The following SON variants were observed in gnomAD, a reference collection of about 807,000 sequenced individuals.
SON encodes the protein SON DNA and RNA binding protein.
In SON, 4 loss-of-function variants were observed where a neutral mutation model predicts 173.3. The observed-to-expected ratio is 0.02, with a 90% CI of 0.01 to 0.05. SON has a LOEUF of 0.05. Among genes scored for constraint, SON ranks in the 10% least tolerant of loss-of-function variants. The pLI is 1.00. For synonymous variants in SON, 1,190 were observed against 1,105.9 expected (o/e 1.08, Z -1.51); for missense variants, 2,626 against 3,055.3 (o/e 0.86, Z 3.31).
At position 33,552,929 on chromosome 21, in the gene SON, C is replaced by T. The variant is rs1483350387; in HGVS notation, c.3698C>T (p.Ser1233Leu). Residue 1233 changes from serine to leucine, a missense_variant, in exon 3 of 12, where the codon TCA becomes TTA. Ser to Leu is a moderately radical substitution (Grantham distance 145). This residue lies in a region of SON where 1,006 missense variants were observed against 895.6 expected (regional missense o/e 1.12). Transcript: ENST00000356577. This position sits in a 1 kb window ranked among gnomAD's most constrained non-coding sequence, Gnocchi z 5.6. ...PSAVPTDYSVSASDPSVLVSE... is the reference protein window; with the variant it reads ...PSAVPTDYSVLASDPSVLVSE... Reference sequence around the variant, plus strand: ...GCAGTGCCTACTGATTATTCAGTGTCAGCATCAGATCCCTCAGTTTTAGTA... The same window carrying T: ...GCAGTGCCTACTGATTATTCAGTGTTAGCATCAGATCCCTCAGTTTTAGTA... 6.2e-7 allele frequency: 1 copy of T among 1,614,184 alleles called. No homozygotes were observed. The highest frequency in any genetic ancestry group is 1.7e-5 in the Admixed American group (1 of 60,026).
intron 9 of SON, 73 bp downstream of exon 9, chr21:33,573,528 A>T: frequency 1.5e-6 from 2 of 1,356,414 alleles, no homozygotes; most frequent in Non-Finnish European, 2.0e-6. Flanking sequence ...TTTTGAACCC[A>T]GTGATACTGA....
chr21:33,547,709 T>TTG, intron 2 of SON, among the ~76,000 whole-genome samples: 1 of 123,462 alleles, frequency 8.1e-6, no homozygotes, highest in Non-Finnish European at 1.7e-5. Flanking sequence ...TGTAGTCTTT[T>TTG]TTTTTTTTTT....
chr21:33,550,736 A>C lies in SON; in HGVS notation c.1505A>C (p.Glu502Ala). The C allele has an allele frequency of 6.2e-7, 1 of 1,614,060 alleles. No homozygotes were observed. The highest frequency in any genetic ancestry group is 8.5e-7 in the Non-Finnish European group (1 of 1,180,004). Reference protein sequence around the residue: ...PEQPAVTVAMELTEQPVTTTE... With the variant: ...PEQPAVTVAMALTEQPVTTTE... ...CAGCCTGCGGTAACAGTAGCAATGG[A>C]GTTGACCGAACAACCTGTGACGACG... Residue 502 changes from glutamate to alanine, a missense_variant, in exon 3 of 12, where the codon GAG becomes GCG. Physicochemically the swap from Glu to Ala is moderately radical, Grantham distance 107. Around this residue, in one of 13 missense-constraint regions of SON, gnomAD observed 757 missense variants for 730.1 expected, o/e 1.04. Transcript: ENST00000356577.
Position 33,575,505 on chromosome 21 carries a change from G to T in SON, c.7034-91G>T, listed in dbSNP as rs542043739. 9.8e-6 allele frequency: 7 copies of T among 716,864 alleles called. No homozygotes were observed. In the East Asian group the frequency reaches 1.9e-4, roughly 19 times the overall value. The allele number at this position is 716,864 out of a possible 1,614,324, so 44.4% of individuals were successfully genotyped here. A position where few individuals can be genotyped will look rare whatever the true frequency, so the allele number is the denominator to read the frequency against. ...AGGAATCTGCTGATTTTATTTGAAG[G>T]CATACATTTTGAGGTTCAGACTCCT... is the stretch of plus-strand genomic sequence containing the variant. On this transcript the variant is annotated intron_variant, in intron 9 of 11. Coordinates refer to ENST00000356577, the MANE Select transcript of SON (RefSeq NM_138927.4).
chr21:33,544,552 C>A (rs547956304), intron 1 of SON, among the ~76,000 whole-genome samples: 1 of 152,158 alleles, frequency 6.6e-6, no homozygotes, highest in African/African-American at 2.4e-5. Context: ...ATTTCCCCCC[C>A]CATGTATTGT....
chr21:33,547,612 T>C lies in SON; in HGVS notation c.244+1233T>C, dbSNP rs113796443. Among the ~76,000 whole-genome samples, 645 of 149,936 alleles carry C rather than the reference T, an allele frequency of 4.3e-3. 1 individual carries two copies. The highest frequency in any genetic ancestry group is 7.0e-3 in the Non-Finnish European group (472 of 67,024). ...ACAACCTTCATTGAAGTATGACTTA[T>C]CTAACATTTTGTATTATGAAACAAA... On this transcript the variant is annotated intron_variant, in intron 2 of 11. Coordinates refer to ENST00000356577, the MANE Select transcript of SON (RefSeq NM_138927.4).
chr21:33,553,422 G>T lies in SON; in HGVS notation c.4191G>T (p.Val1397=). ...TGACTGTCCCGGAGCCTCCTGTTGT[G>T]GCTGAGCCAGACTATGTTACCATTC... ...SVVTVPEPPV[V]AEPDYVTIPV... The change falls in exon 3 of 12, where the codon GTG becomes GTT. Residue 1397 remains valine (V), a synonymous_variant. Coordinates refer to ENST00000356577, the MANE Select transcript of SON (RefSeq NM_138927.4). The T allele has an allele frequency of 6.2e-7, 1 of 1,614,206 alleles. No homozygotes were observed. The highest frequency in any genetic ancestry group is 8.5e-7 in the Non-Finnish European group (1 of 1,180,036).
rs532238014 is a variant in SON at position 33,545,479 on chromosome 21, A to G, written c.78-734A>G. Among the ~76,000 whole-genome samples, 20 of 152,340 alleles carry G rather than the reference A, an allele frequency of 1.3e-4. No individual in the cohort carries two copies. In the South Asian group the frequency reaches 3.9e-3, roughly 30 times the overall value. ...GTATTTGATTTTTCAAAATTTTGCA[A>G]ATTCACACAAAAATAGTAAAAATTA... On this transcript the variant is annotated intron_variant, in intron 1 of 11. Transcript: ENST00000356577.
rs1481237934 is a variant in SON, at chr21:33,559,814, A to G, written c.6657+39A>G. Reference sequence around the variant, plus strand: ...ATATTATGTATTTTTCCTTTTTTATACCTGAATCTGCCATTTCATTGTTAT... The same window carrying G: ...ATATTATGTATTTTTCCTTTTTTATGCCTGAATCTGCCATTTCATTGTTAT... On this transcript the variant is annotated intron_variant, in intron 6 of 11. Coordinates refer to ENST00000356577, the MANE Select transcript of SON (RefSeq NM_138927.4). This position sits in a 1 kb window ranked among gnomAD's most constrained non-coding sequence, Gnocchi z 4.1. 1.2e-6 allele frequency: 2 copies of G among 1,606,592 alleles called. No individual in the cohort carries two copies. Among genetic ancestry groups the G allele is most frequent in the African/African-American group, 1.3e-5 (1 of 74,686 alleles).
In SON at chr21:33,552,781, A is replaced by G. The variant is rs2085838076; in HGVS notation, c.3550A>G (p.Thr1184Ala). The change falls in exon 3 of 12, where the codon ACT becomes GCT. Residue 1184 changes from threonine to alanine, a missense_variant. Physicochemically the swap from Thr to Ala is moderately conservative, Grantham distance 58. Transcript: ENST00000356577. This position sits in a 1 kb window ranked among gnomAD's most constrained non-coding sequence, Gnocchi z 5.6. ...EEPPEGPALP[T>A]EQSALTAENT... Reference sequence around the variant, plus strand: ...ACCACCAGAGGGTCCAGCATTGCCCACTGAGCAGTCAGCATTAACAGCTGA... The same window carrying G: ...ACCACCAGAGGGTCCAGCATTGCCCGCTGAGCAGTCAGCATTAACAGCTGA... The G allele has an allele frequency of 1.2e-6, 2 of 1,613,744 alleles. No individual in the cohort carries two copies. The highest frequency in any genetic ancestry group is 1.7e-6 in the Non-Finnish European group (2 of 1,180,020).
In SON at chr21:33,553,826, T is replaced by C. The variant is rs1448713802; in HGVS notation, c.4595T>C (p.Ile1532Thr). Residue 1532 changes from isoleucine (I) to threonine (T), a missense_variant, in exon 3 of 12, where the codon ATA becomes ACA. Ile to Thr is a moderately conservative substitution (Grantham distance 89, BLOSUM62 -1). Coordinates refer to ENST00000356577, the MANE Select transcript of SON (RefSeq NM_138927.4). ...TACGAAAGTGAACATGGTATAAATA[T>C]AGACCTTAATATAAATAATCATTTA... Reference protein sequence around the residue: ...DFYESEHGINIDLNINNHLIA... With the variant: ...DFYESEHGINTDLNINNHLIA... 1.2e-6 allele frequency: 2 copies of C among 1,613,818 alleles called. No individual in the cohort carries two copies. The highest frequency in any genetic ancestry group is 1.7e-6 in the Non-Finnish European group (2 of 1,179,874).
Position 33,555,175 on chromosome 21 carries a change from A to G in SON, c.5944A>G (p.Ser1982Gly), listed in dbSNP as rs1033711804. The change falls in exon 3 of 12, where the codon AGC becomes GGC. Residue 1982 changes from serine (S) to glycine (G), a missense_variant. By Grantham distance (56) the Ser-to-Gly change is moderately conservative (BLOSUM62 0). Around this residue, in one of 13 missense-constraint regions of SON, gnomAD observed 138 missense variants for 222.9 expected, o/e 0.62. Coordinates refer to ENST00000356577, the MANE Select transcript of SON (RefSeq NM_138927.4). ...RTPSRRSRTP[S>G]RRSRTPSRRS... ...CCCCAGCCGCCGCAGCCGCACCCCC[A>G]GCCGCCGGAGCCGCACCCCTAGCCG... The G allele has an allele frequency of 7.8e-6, 12 of 1,544,486 alleles. No homozygotes were observed. Among genetic ancestry groups the G allele is most frequent in the African/African-American group, 1.4e-5 (1 of 69,808 alleles).
Position 33,576,582 on chromosome 21 carries a change from G to A in SON, c.*158G>A. On this transcript the variant is annotated 3_prime_UTR_variant, in exon 12 of 12. Coordinates refer to ENST00000356577, the MANE Select transcript of SON (RefSeq NM_138927.4). Reference sequence around the variant, plus strand: ...GGAGTGCCTCACGTAGATAGATTGAGGTTTTATAATAATCATTTCAGAATT... The same window carrying A: ...GGAGTGCCTCACGTAGATAGATTGAAGTTTTATAATAATCATTTCAGAATT... 1 of 733,072 alleles carries A rather than the reference G, an allele frequency of 1.4e-6. No individual in the cohort carries two copies. The highest frequency in any genetic ancestry group is 2.6e-6 in the Non-Finnish European group (1 of 391,732). 45.4% of individuals were successfully genotyped at this position (733,072 alleles called of 1,614,324 possible).
chr21:33,552,901 T>C lies in SON; in HGVS notation c.3670T>C (p.Ser1224Pro). 1 of 1,614,146 alleles carries C rather than the reference T, an allele frequency of 6.2e-7. No individual in the cohort carries two copies. The highest frequency in any genetic ancestry group is 8.5e-7 in the Non-Finnish European group (1 of 1,180,018). ...GAGTCAAAGTGAGATTTCGGAGCCTTCAGCAGTGCCTACTGATTATTCAGT... is the reference window on the plus strand; with the variant it reads ...GAGTCAAAGTGAGATTTCGGAGCCTCCAGCAGTGCCTACTGATTATTCAGT... ...PVSQSEISEP[S>P]AVPTDYSVSA... Residue 1224 changes from serine (S) to proline (P), a missense_variant, in exon 3 of 12, where the codon TCA (serine) becomes CCA (proline). Ser to Pro is a moderately conservative substitution (Grantham distance 74). Transcript: ENST00000356577. The surrounding 1 kb of genome is among the most constrained non-coding windows in gnomAD (Gnocchi z 5.6).
Position 33,550,509 on chromosome 21 carries a change from G to C in SON, c.1278G>C (p.Glu426Asp). Residue 426 changes from glutamate (E) to aspartate (D), a missense_variant, in exon 3 of 12, where the codon GAG becomes GAC. Glu to Asp is a conservative substitution (Grantham distance 45). Transcript: ENST00000356577. ...GGCCCCTTTCTACCCCAGTGCCTGA[G>C]TTGCCAGGGCCCCCTGCGACAGCAG... ...LPGPLSTPVP[E>D]LPGPPATAVP... 6.2e-7 allele frequency: 1 copy of C among 1,613,958 alleles called. No homozygotes were observed. Among genetic ancestry groups the C allele is most frequent in the Non-Finnish European group, 8.5e-7 (1 of 1,179,926 alleles).
rs1220667402 is a variant in SON, at chr21:33,577,048, C to G, written c.*624C>G. ...CCACAGGGCTAATGCCACCATCTCC[C>G]CTCAAAATTTTGTAGAGGTTCTAAA... is the stretch of plus-strand genomic sequence containing the variant. On this transcript the variant is annotated 3_prime_UTR_variant, in exon 12 of 12. Coordinates refer to ENST00000356577, the MANE Select transcript of SON (RefSeq NM_138927.4). 1.9e-5 allele frequency: 3 copies of G among 159,168 alleles called. No individual in the cohort carries two copies. The allele number at this position is 159,168 out of a possible 1,614,324, so 9.9% of individuals were successfully genotyped here. A position where few individuals can be genotyped will look rare whatever the true frequency, so the allele number is the denominator to read the frequency against.
At chr21:33,566,645 C>T (rs2086178206) in intron 6 of SON, among the ~76,000 whole-genome samples, 2 of 152,054 alleles carry the variant, frequency 1.3e-5, no homozygotes, top group South Asian at 2.1e-4. Flanking sequence ...AAAGTGTCCA[C>T]AACTGGAAGA....
In SON at chr21:33,554,525, G is replaced by C. The variant is rs1260562812; in HGVS notation, c.5294G>C (p.Arg1765Thr). The C allele has an allele frequency of 1.2e-6, 2 of 1,614,096 alleles. No homozygotes were observed. The highest frequency in any genetic ancestry group is 3.3e-5 in the Admixed American group (2 of 60,028). ...CTTGCAAGTGATGTTGGACGTGACAGATCTGCTGCCAGCCCGGTTGTAAGT... is the reference window on the plus strand; with the variant it reads ...CTTGCAAGTGATGTTGGACGTGACACATCTGCTGCCAGCCCGGTTGTAAGT... ...PLLASDVGRD[R>T]SAASPVVSSM... Residue 1765 changes from arginine (R) to threonine (T), a missense_variant, in exon 3 of 12, where the codon AGA (arginine) becomes ACA (threonine). By Grantham distance (71) the Arg-to-Thr change is moderately conservative. This residue lies in a region of SON where 1,006 missense variants were observed against 895.6 expected (regional missense o/e 1.12). Transcript: ENST00000356577.
At chr21:33,547,965 C>A (rs886551220) in intron 2 of SON, among the ~76,000 whole-genome samples, 1 of 151,500 alleles carries the variant, frequency 6.6e-6, no homozygotes, top group African/African-American at 2.4e-5. Flanking sequence ...CCTCGTGATC[C>A]ACACGTCTTG....
Sources: gnomAD v4.1 joint callset for allele counts (sites outside exome capture counted in the v4.1 genomes callset) on GRCh38, gnomAD v4.1.1 for gene constraint, gnomAD v4.1.1 regional missense constraint, Gnocchi (gnomAD v3.1) non-coding constraint, MANE v1.5 for transcripts, NCBI Gene and HGNC (gene_info 2026-07-23, HGNC 2026-07-21) for gene names.